The following SLCO2B1 variants were observed in gnomAD, a reference collection of about 807,000 sequenced individuals.
SLCO2B1 encodes OATP-RP2.
SLCO2B1 carries 41 observed loss-of-function variants against 67.3 expected under a neutral mutation model. The ratio of observed to expected loss-of-function variants is 0.61; its 90% CI spans 0.47 to 0.79. SLCO2B1 has a LOEUF of 0.79. Among genes scored for constraint, SLCO2B1 ranks in the 30% least tolerant of loss-of-function variants. The pLI is 0.00. For synonymous variants in SLCO2B1, 379 were observed against 381.4 expected (o/e 0.99, Z 0.07); for missense variants, 837 against 920.1 (o/e 0.91, Z 1.17).
In SLCO2B1 at chr11:75,162,644, C is replaced by G; in HGVS notation, c.17-11C>G. 2 of 1,610,548 alleles carry G rather than the reference C, an allele frequency of 1.2e-6. No individual in the cohort carries two copies. Among genetic ancestry groups the G allele is most frequent in the Non-Finnish European group, 1.7e-6 (2 of 1,178,678 alleles). Reference sequence around the variant, plus strand: ...CTATCTATTCTCTTTCCCTGGTTTTCTGTCCCTCAGGGCCAGCGGGTGAGG... The same window carrying G: ...CTATCTATTCTCTTTCCCTGGTTTTGTGTCCCTCAGGGCCAGCGGGTGAGG... On this transcript the variant is annotated splice_polypyrimidine_tract_variant and intron_variant, in intron 1 of 13. Coordinates refer to ENST00000289575, the MANE Select transcript of SLCO2B1 (RefSeq NM_007256.5).
At position 75,204,580 on chromosome 11, in the gene SLCO2B1, A is replaced by G; in HGVS notation, c.2130A>G (p.Ter710TrpextTer107). Residue 710 changes from the stop codon to tryptophan (W), a stop_lost, in exon 14 of 14, where the codon TGA (stop) becomes TGG (tryptophan). Coordinates refer to ENST00000289575, the MANE Select transcript of SLCO2B1 (RefSeq NM_007256.5). ...PGKKPEDSRV[*>W] ...AGAAGCCAGAGGATTCCCGAGTGTGAGCTGTCTTGGGGCCCCACCTGGCCA... is the reference window on the plus strand; with the variant it reads ...AGAAGCCAGAGGATTCCCGAGTGTGGGCTGTCTTGGGGCCCCACCTGGCCA... 1 of 1,606,422 alleles carries G rather than the reference A, an allele frequency of 6.2e-7. No homozygotes were observed. The highest frequency in any genetic ancestry group is 8.5e-7 in the Non-Finnish European group (1 of 1,176,924).
intron 7 of SLCO2B1, 103 bp from the exon 8 acceptor site, chr11:75,188,033 C>G (rs1565545423): frequency 2.8e-6 from 2 of 706,614 alleles, no homozygotes; most frequent in Non-Finnish European, 4.9e-6. Context: ...TGACAGGGCT[C>G]TCACCCTCTC....
chr11:75,203,239 T>C (rs1379968144), intron 12 of SLCO2B1, 68 bp from the exon 13 acceptor site: 1 of 1,581,094 alleles, frequency 6.3e-7, no homozygotes, highest in Non-Finnish European at 8.6e-7. Flanking sequence ...TGAGGGGTTG[T>C]ACATGCCAGG....
intron 11 of SLCO2B1, chr11:75,201,090 A>G (rs1945174734): frequency 7.6e-6 from 1 of 131,786 alleles, no homozygotes; most frequent in Admixed American, 9.4e-5. Context: ...GCAATGGCGC[A>G]ATCTCGGCTC....
rs1236787348 is a variant in SLCO2B1, at chr11:75,204,256, C to T, written c.1950-144C>T. 3 of 826,488 alleles carry T rather than the reference C, an allele frequency of 3.6e-6. No individual in the cohort carries two copies. In the Admixed American group the frequency reaches 8.1e-5, roughly 22 times the overall value. The allele number at this position is 826,488 out of a possible 1,614,324, so 51.2% of individuals were successfully genotyped here. The stretch of plus-strand genomic sequence containing the variant: ...CCAGGGCTCCTCTGCAGAGCCTCTC[C>T]CCCTCCTCCAGGGAAGAGCCACAGC... On this transcript the variant is annotated intron_variant, in intron 13 of 13. Coordinates refer to ENST00000289575, the MANE Select transcript of SLCO2B1 (RefSeq NM_007256.5).
chr11:75,183,144 G>T (rs1003839767), intron 7 of SLCO2B1, among the ~76,000 whole-genome samples: 1 of 152,156 alleles, frequency 6.6e-6, no homozygotes, highest in Non-Finnish European at 1.5e-5. Context: ...AAAAGTAAAA[G>T]AAATTAATTT....
At chr11:75,198,878 G>A (rs961353538) in intron 10 of SLCO2B1, among the ~76,000 whole-genome samples, 5 of 152,316 alleles carry the variant, frequency 3.3e-5, no homozygotes, top group African/African-American at 9.6e-5. Flanking sequence ...CTGGGGGAAT[G>A]AGACTCTGAG....
In SLCO2B1 at chr11:75,203,316, C is replaced by T; in HGVS notation, c.1838C>T (p.Pro613Leu). ...GCACCACCTCCCTCAGCCTGGATGC[C>T]CAGCCCCGTGATCCACGGCAGCGCC... ...FMFLRILAWMPSPVIHGSAID... is the reference protein window; with the variant it reads ...FMFLRILAWMLSPVIHGSAID... Residue 613 changes from proline (P) to leucine (L), a missense_variant, in exon 13 of 14, where the codon CCC becomes CTC. Coordinates refer to ENST00000289575, the MANE Select transcript of SLCO2B1 (RefSeq NM_007256.5). The T allele has an allele frequency of 6.2e-7, 1 of 1,613,692 alleles. No individual in the cohort carries two copies. Among genetic ancestry groups the T allele is most frequent in the African/African-American group, 1.3e-5 (1 of 75,040 alleles).
intron 7 of SLCO2B1, among the ~76,000 whole-genome samples, chr11:75,180,690 A>G (rs930663030): frequency 1.3e-5 from 2 of 152,246 alleles, no homozygotes; most frequent in Non-Finnish European, 2.9e-5. Flanking sequence ...CAGTACTACA[A>G]CAGTAGGAAT....
At chr11:75,203,073 G>T in intron 12 of SLCO2B1, 108 bp downstream of exon 12, 1 of 1,194,064 alleles carries the variant, frequency 8.4e-7, no homozygotes, top group Non-Finnish European at 1.3e-6. Flanking sequence ...TGATCTTAGG[G>T]CTCACAAGCT....
At chr11:75,159,970 G>A in intron 1 of SLCO2B1, 1 of 589,306 alleles carries the variant, frequency 1.7e-6, no homozygotes, top group Non-Finnish European at 2.1e-6. Flanking sequence ...AGACAGGCTG[G>A]GGCACAGCAA....
chr11:75,189,192 AG>A lies in SLCO2B1; in HGVS notation c.1075+955del, dbSNP rs556823838. ...ATTATGACCAGGCCATTCTTTCTCA[AG>A]ATTATGACCCCAGGAGCATTGATTG... On this transcript the variant is annotated intron_variant, in intron 8 of 13. Coordinates refer to ENST00000289575, the MANE Select transcript of SLCO2B1 (RefSeq NM_007256.5). Among the ~76,000 whole-genome samples the A allele has an allele frequency of 1.1e-3, 166 of 152,264 alleles. 1 individual carries two copies. Among genetic ancestry groups the A allele is most frequent in the Non-Finnish European group, 1.8e-3 (121 of 68,016 alleles).
At chr11:75,171,031 G>C (rs1949952958) in intron 6 of SLCO2B1, among the ~76,000 whole-genome samples, 1 of 152,178 alleles carries the variant, frequency 6.6e-6, no homozygotes, top group Non-Finnish European at 1.5e-5. Context: ...GAAGCGGACG[G>C]GTTGGAGAGG....
chr11:75,188,384 C>A (rs1463476295), intron 8 of SLCO2B1, 146 bp downstream of exon 8: 4 of 623,494 alleles, frequency 6.4e-6, no homozygotes, highest in Non-Finnish European at 1.2e-5. Flanking sequence ...TGAGTCTTTG[C>A]ACATGCAATC....
Position 75,169,743 on chromosome 11 carries a change from G to A in SLCO2B1, c.760G>A (p.Asp254Asn). 1 of 1,614,106 alleles carries A rather than the reference G, an allele frequency of 6.2e-7. No homozygotes were observed. Among genetic ancestry groups the A allele is most frequent in the Non-Finnish European group, 8.5e-7 (1 of 1,180,000 alleles). ...CAGCCTCATGCTGCGCCTTTATGTG[G>A]ACATTAACCAGATGCCAGAAGGTGA... ...LGSLMLRLYV[D>N]INQMPEGGIS... Residue 254 changes from aspartate (D) to asparagine (N), a missense_variant, in exon 6 of 14, where the codon GAC (aspartate) becomes AAC (asparagine). Transcript: ENST00000289575.
At chr11:75,203,642 A>G in intron 13 of SLCO2B1, 1 of 572,392 alleles carries the variant, frequency 1.7e-6, no homozygotes, top group South Asian at 2.1e-5. Flanking sequence ...CAAGTAGCCC[A>G]AGGTCACACA....
At chr11:75,188,341 T>C (rs1160863705) in intron 8 of SLCO2B1, 103 bp downstream of exon 8, 13 of 734,346 alleles carry the variant, frequency 1.8e-5, no homozygotes, top group Non-Finnish European at 1.7e-5. Flanking sequence ...CTTCTCTACC[T>C]GCAGACCCCT....
At position 75,200,095 on chromosome 11, in the gene SLCO2B1, C is replaced by T. The variant is rs947648256; in HGVS notation, c.1600-129C>T. The T allele has an allele frequency of 2.1e-5, 20 of 948,666 alleles. No individual in the cohort carries two copies. In the African/African-American group the frequency reaches 2.5e-4, roughly 12 times the overall value. The allele number at this position is 948,666 out of a possible 1,614,324, so 58.8% of individuals were successfully genotyped here. A position where few individuals can be genotyped will look rare whatever the true frequency, so the allele number is the denominator to read the frequency against. On this transcript the variant is annotated intron_variant, in intron 10 of 13. Coordinates refer to ENST00000289575, the MANE Select transcript of SLCO2B1 (RefSeq NM_007256.5). Reference sequence around the variant, plus strand: ...TCAGCCAACGGGTCACGATCTCGGACTCCCAGCCAGCTCTACCCCAACTGG... The same window carrying T: ...TCAGCCAACGGGTCACGATCTCGGATTCCCAGCCAGCTCTACCCCAACTGG...
At chr11:75,192,002 A>AT (rs1945029031) in intron 8 of SLCO2B1, among the ~76,000 whole-genome samples, 1 of 151,968 alleles carries the variant, frequency 6.6e-6, no homozygotes, top group Admixed American at 6.6e-5. Context: ...TGGGGAGGTA[A>AT]TTTTTTGCCA....
Sources: gnomAD v4.1 joint callset for allele counts (sites outside exome capture counted in the v4.1 genomes callset) on GRCh38, gnomAD v4.1.1 for gene constraint, MANE v1.5 for transcripts, NCBI Gene and HGNC (gene_info 2026-07-23, HGNC 2026-07-21) for gene names.